Variants in PCDHGB5 observed in about 807,000 individuals in gnomAD.
The protein encoded by PCDHGB5 is protocadherin gamma-B5.
In PCDHGB5, 48 loss-of-function variants were observed where a neutral mutation model predicts 62.9. The observed-to-expected ratio is 0.76, with a 90% CI of 0.61 to 0.97. PCDHGB5 has a LOEUF of 0.97. Ranked by LOEUF, PCDHGB5 falls within the 50% of genes least tolerant of loss-of-function variation. The probability of loss-of-function intolerance (pLI) is 0.00; values close to 1 mark genes in which losing one functional copy is unlikely to be tolerated. For missense variants in PCDHGB5, 1,118 were observed against 1,198.6 expected, an observed-to-expected ratio of 0.93 and a Z score of 0.99; for synonymous variants, 474 against 511.2, an observed-to-expected ratio of 0.93 and a Z score of 0.98.
intron 1 of PCDHGB5, chr5:141,414,287 C>G: frequency 6.2e-7 from 1 of 1,613,434 alleles, no homozygotes; most frequent in Non-Finnish European, 8.5e-7. Flanking sequence ...ACAGTCGTAG[C>G]CCTTTTAAAT....
At chr5:141,474,090 AAACAACAACAAAAAC>A (rs1459798801) in intron 1 of PCDHGB5, among the ~76,000 whole-genome samples, 1 of 152,206 alleles carries the variant, frequency 6.6e-6, no homozygotes, top group African/African-American at 2.4e-5. Flanking sequence ...ACCAAAAAAC[AAACAACAACAAAAAC>A]AACAACAACG....
At chr5:141,405,104 C>T in intron 1 of PCDHGB5, 1 of 1,613,940 alleles carries the variant, frequency 6.2e-7, no homozygotes, top group Non-Finnish European at 8.5e-7. Flanking sequence ...CAGGCTGAGG[C>T]ACTGGCACTC....
At chr5:141,483,122 A>G (rs1159736878) in intron 1 of PCDHGB5, among the ~76,000 whole-genome samples, 1 of 152,166 alleles carries the variant, frequency 6.6e-6, no homozygotes, top group Non-Finnish European at 1.5e-5. Context: ...CAGTCTTTGT[A>G]GGAGATGAGG....
At chr5:141,424,036 C>T (rs2096796408) in intron 1 of PCDHGB5, 1 of 1,029,488 alleles carries the variant, frequency 9.7e-7, no homozygotes, top group Non-Finnish European at 1.2e-6. Flanking sequence ...CTTTTTATTT[C>T]CATTTCAATT....
chr5:141,439,470 T>C (rs1357441747), intron 1 of PCDHGB5, among the ~76,000 whole-genome samples: 1 of 152,220 alleles, frequency 6.6e-6, no homozygotes, highest in African/African-American at 2.4e-5. Flanking sequence ...CTGCTGCCTT[T>C]CAGCTTGCAA....
At chr5:141,440,443 T>A (rs979101512) in intron 1 of PCDHGB5, 2 of 152,152 alleles carry the variant, frequency 1.3e-5, no homozygotes, top group Admixed American at 1.3e-4. Flanking sequence ...CAAGGCGCCA[T>A]CTCAAAAAAA....
chr5:141,497,954 G>A (rs1203635313), intron 2 of PCDHGB5, among the ~76,000 whole-genome samples: 7 of 152,198 alleles, frequency 4.6e-5, no homozygotes, highest in Non-Finnish European at 1.5e-5. Context: ...CTTTCTGTTG[G>A]CCAGGCAGTG....
At position 141,432,579 on chromosome 5, in the gene PCDHGB5, G is replaced by T; in HGVS notation, c.2397+32055G>T. On this transcript the variant is annotated intron_variant, in intron 1 of 3. Coordinates refer to ENST00000617380, the MANE Select transcript of PCDHGB5 (RefSeq NM_018925.3). This position sits in a 1 kb window ranked among gnomAD's most constrained non-coding sequence, Gnocchi z 6.0. ...GGCCAGAACGCCTGGCTGTCCTACC[G>T]TCTGCTCAAGGCCAGCGAGCCGGGA... is the stretch of plus-strand genomic sequence containing the variant. 1 of 1,613,860 alleles carries T rather than the reference G, an allele frequency of 6.2e-7. No homozygotes were observed. Among genetic ancestry groups the T allele is most frequent in the Non-Finnish European group, 8.5e-7 (1 of 1,179,984 alleles).
chr5:141,471,058 T>C (rs991869999), intron 1 of PCDHGB5, among the ~76,000 whole-genome samples: 2 of 149,826 alleles, frequency 1.3e-5, no homozygotes, highest in Non-Finnish European at 3.0e-5. Context: ...TTTTTTTTTT[T>C]TTTTTTTTGA....
intron 1 of PCDHGB5, chr5:141,413,712 T>A (rs1405825615): frequency 9.9e-6 from 16 of 1,613,454 alleles, no homozygotes; most frequent in Middle Eastern, 3.3e-4. Context: ...TCAGCCCCAA[T>A]AAGCACTTCT....
chr5:141,476,587 G>A lies in PCDHGB5; in HGVS notation c.2398-18220G>A. ...CTCCGGGGACGCGCTTTCCGCTCGA[G>A]AGCGCGCACGATCCCGATGTGGGAA... On this transcript the variant is annotated intron_variant, in intron 1 of 3. Coordinates refer to ENST00000617380, the MANE Select transcript of PCDHGB5 (RefSeq NM_018925.3). The surrounding 1 kb of genome is among the most constrained non-coding windows in gnomAD (Gnocchi z 7.6). 6.2e-7 allele frequency: 1 copy of A among 1,614,234 alleles called. No homozygotes were observed. The highest frequency in any genetic ancestry group is 1.1e-5 in the South Asian group (1 of 91,086).
In PCDHGB5 at chr5:141,400,462, G is replaced by C; in HGVS notation, c.2335G>C (p.Asp779His). 1.2e-6 allele frequency: 2 copies of C among 1,614,062 alleles called. No homozygotes were observed. The highest frequency in any genetic ancestry group is 1.7e-6 in the Non-Finnish European group (2 of 1,179,888). ...TTCAGGACAAGACATACTTTGTGGT[G>C]ATTCATCTGGGGCCTTATTTCCACT... ...LSSGQDILCG[D>H]SSGALFPLCN... The change falls in exon 1 of 4, where the codon GAT becomes CAT. Residue 779 changes from aspartate (D) to histidine (H), a missense_variant. Physicochemically the swap from Asp to His is moderately conservative, Grantham distance 81. This residue lies in a region of PCDHGB5 where 1,034 missense variants were observed against 1,029.1 expected (regional missense o/e 1.00). Coordinates refer to ENST00000617380, the MANE Select transcript of PCDHGB5 (RefSeq NM_018925.3).
chr5:141,419,121 C>T, intron 1 of PCDHGB5: 5 of 1,613,882 alleles, frequency 3.1e-6, no homozygotes, highest in Non-Finnish European at 3.4e-6. Flanking sequence ...TACAACGTCA[C>T]CATCGCAGCC....
rs771088007 is a variant in PCDHGB5 at position 141,423,000 on chromosome 5, G to T, written c.2397+22476G>T. On this transcript the variant is annotated intron_variant, in intron 1 of 3. Coordinates refer to ENST00000617380, the MANE Select transcript of PCDHGB5 (RefSeq NM_018925.3). ...CGGAACCTGGCTACCTGGTGACCAA[G>T]GTGGTTGCGGTGGACAAAGATTCAG... The T allele has an allele frequency of 2.5e-6, 4 of 1,614,116 alleles. No individual in the cohort carries two copies. The African/African-American group carries it at 5.3e-5, about 22-fold the overall frequency.
rs1594666821 is a variant in PCDHGB5, at chr5:141,487,316, T to C, written c.2398-7491T>C. 6.2e-7 allele frequency: 1 copy of C among 1,614,164 alleles called. No individual in the cohort carries two copies. Among genetic ancestry groups the C allele is most frequent in the South Asian group, 1.1e-5 (1 of 91,080 alleles). On this transcript the variant is annotated intron_variant, in intron 1 of 3. Coordinates refer to ENST00000617380, the MANE Select transcript of PCDHGB5 (RefSeq NM_018925.3). This position sits in a 1 kb window ranked among gnomAD's most constrained non-coding sequence, Gnocchi z 5.0. ...CTCATTCGTGGCACTACTCTCTAAG[T>C]GTCTTCGTGGGGCAGCCTGTGGAGT... is the stretch of plus-strand genomic sequence containing the variant.
At position 141,494,704 on chromosome 5, in the gene PCDHGB5, T is replaced by C. The variant is rs2099756232; in HGVS notation, c.2398-103T>C. Reference sequence around the variant, plus strand: ...CCCCCTCTTAGTCCGTTTTCTTCTCTGTGCCCACTCCCCTCCTTCTCTCCC... The same window carrying C: ...CCCCCTCTTAGTCCGTTTTCTTCTCCGTGCCCACTCCCCTCCTTCTCTCCC... On this transcript the variant is annotated intron_variant, in intron 1 of 3. Transcript: ENST00000617380. The C allele has an allele frequency of 3.1e-6, 5 of 1,597,570 alleles. No individual in the cohort carries two copies. The Admixed American group carries it at 8.5e-5, about 27-fold the overall frequency.
At chr5:141,449,588 CAAAA>C (rs768743917) in intron 1 of PCDHGB5, among the ~76,000 whole-genome samples, 2 of 57,488 alleles carry the variant, frequency 3.5e-5, no homozygotes, top group Non-Finnish European at 3.7e-5. Flanking sequence ...GACTCTGTCT[CAAAA>C]AAAAAAAAAA....
At chr5:141,415,793 T>C in intron 1 of PCDHGB5, 1 of 1,373,160 alleles carries the variant, frequency 7.3e-7, no homozygotes, top group Non-Finnish European at 9.4e-7. Context: ...AAAATTCACC[T>C]AGTCTCAATC....
Position 141,404,436 on chromosome 5 carries a change from C to T in PCDHGB5, c.2397+3912C>T. On this transcript the variant is annotated intron_variant, in intron 1 of 3. Transcript: ENST00000617380. Reference sequence around the variant, plus strand: ...GTTATTTACTCCTTGGCAGAGGATACCATCCAAGGGTCTCCTCTCTCCACC... The same window carrying T: ...GTTATTTACTCCTTGGCAGAGGATATCATCCAAGGGTCTCCTCTCTCCACC... 1.9e-6 allele frequency: 3 copies of T among 1,612,706 alleles called. No individual in the cohort carries two copies. In the East Asian group the frequency reaches 6.7e-5, roughly 36 times the overall value.
Sources: allele counts gnomAD v4.1 joint callset (sites outside exome capture counted in the v4.1 genomes callset), GRCh38; gene constraint gnomAD v4.1.1; regional missense constraint gnomAD v4.1.1; non-coding constraint Gnocchi (gnomAD v3.1); transcripts MANE v1.5; gene names NCBI Gene and HGNC (gene_info 2026-07-23, HGNC 2026-07-21).